Variants in CEMIP observed in about 807,000 individuals in gnomAD.
CEMIP encodes the protein cell migration inducing hyaluronidase 1.
A neutral mutation model predicts 156.9 loss-of-function variants in CEMIP; 105 were observed. The ratio of observed to expected loss-of-function variants is 0.67; its 90% confidence interval spans 0.57 to 0.79. CEMIP has a LOEUF of 0.79. Among genes scored for constraint, CEMIP ranks in the 30% least tolerant of loss-of-function variants. The pLI is 0.00. For synonymous variants in CEMIP, 676 were observed against 668.4 expected, an observed-to-expected ratio of 1.01 and a Z score of -0.17; for missense variants, 1,457 against 1,769.4, an observed-to-expected ratio of 0.82 and a Z score of 3.17.
At chr15:80,948,028 G>A (rs1412620509) in intron 29 of CEMIP, 4 of 152,722 alleles carry the variant, frequency 2.6e-5, no homozygotes, top group East Asian at 1.9e-4. Flanking sequence ...GCCAAAGGAG[G>A]ACATAAGGAA....
chr15:80,827,283 G>A (rs1433804332), intron 1 of CEMIP, among the ~76,000 whole-genome samples: 2 of 152,172 alleles, frequency 1.3e-5, no homozygotes, highest in African/African-American at 4.8e-5. Context: ...CCATGGGAGT[G>A]AGTAGTGGGA....
intron 14 of CEMIP, chr15:80,909,693 A>G (rs557413892): frequency 2.2e-6 from 1 of 452,680 alleles, no homozygotes; most frequent in Non-Finnish European, 4.5e-6. Context: ...CAGATTTGAG[A>G]TGGTGACAAC....
intron 25 of CEMIP, among the ~76,000 whole-genome samples, chr15:80,941,617 G>T (rs927166751): frequency 6.6e-6 from 1 of 152,200 alleles, no homozygotes; most frequent in Non-Finnish European, 1.5e-5. Context: ...GCACGGCGTG[G>T]CACATAGAAC....
intron 6 of CEMIP, 96 bp downstream of exon 6, chr15:80,881,232 A>T: frequency 9.5e-7 from 1 of 1,052,562 alleles, no homozygotes; most frequent in Admixed American, 1.7e-5. Context: ...TGCTGGGAGA[A>T]CAGCAGTGAA....
Position 80,838,366 on chromosome 15 carries a change from G to A in CEMIP, c.-175-35172G>A, listed in dbSNP as rs138017547. Among the ~76,000 whole-genome samples the A allele has an allele frequency of 4.9e-4, 75 of 152,030 alleles. No homozygotes were observed. In the South Asian group the frequency reaches 0.011, roughly 22 times the overall value. On this transcript the variant is annotated intron_variant, in intron 1 of 29. Transcript: ENST00000394685. ...CCTCCAGAACTGTGGCGAGGCAGCC[G>A]TTTTCAAATGTTTGTTTGGGTTTTC...
intron 1 of CEMIP, among the ~76,000 whole-genome samples, chr15:80,865,330 C>T (rs997447303): frequency 1.2e-4 from 18 of 152,114 alleles, no homozygotes; most frequent in African/African-American, 2.4e-4. Flanking sequence ...TACGGGCTCG[C>T]GCCACCACGC....
At chr15:80,823,642 C>G (rs567402574) in intron 1 of CEMIP, among the ~76,000 whole-genome samples, 1 of 152,134 alleles carries the variant, frequency 6.6e-6, no homozygotes, top group Non-Finnish European at 1.5e-5. Context: ...CCCCATTTTC[C>G]CAACTCAACC....
intron 8 of CEMIP, among the ~76,000 whole-genome samples, chr15:80,888,411 C>T (rs542947915): frequency 6.1e-4 from 93 of 152,200 alleles, no homozygotes; most frequent in African/African-American, 2.1e-3. Context: ...CTGCGGGAAG[C>T]GCTGCAGTTC....
At chr15:80,889,420 T>C in intron 9 of CEMIP, 51 bp from the exon 10 acceptor site, 1 of 1,612,820 alleles carries the variant, frequency 6.2e-7, no homozygotes, top group Non-Finnish European at 8.5e-7. Flanking sequence ...GAGTGTGACT[T>C]GCCCTCACAG....
chr15:80,935,799 C>A (rs1433844435), intron 23 of CEMIP, among the ~76,000 whole-genome samples: 1 of 152,078 alleles, frequency 6.6e-6, no homozygotes, highest in Non-Finnish European at 1.5e-5. Context: ...TGGGCAATGG[C>A]GTGATCTCGG....
intron 12 of CEMIP, among the ~76,000 whole-genome samples, chr15:80,904,273 C>T (rs1278755823): frequency 1.3e-5 from 2 of 152,186 alleles, no homozygotes. Flanking sequence ...CACCTGTAGT[C>T]CCAGCATTTT....
intron 6 of CEMIP, among the ~76,000 whole-genome samples, chr15:80,883,356 T>C (rs1051556780): frequency 7.2e-5 from 11 of 152,340 alleles, no homozygotes; most frequent in Admixed American, 6.5e-4. Context: ...ATCAGTCAAT[T>C]TGGAGATTAT....
intron 6 of CEMIP, among the ~76,000 whole-genome samples, chr15:80,881,502 T>C (rs934806149): frequency 6.6e-6 from 1 of 151,880 alleles, no homozygotes; most frequent in Admixed American, 6.5e-5. Context: ...AGGGTGAGGA[T>C]ATGTCAGGGA....
chr15:80,929,092 A>G lies in CEMIP; in HGVS notation c.2530A>G (p.Asn844Asp), dbSNP rs906046743. 10 of 1,614,214 alleles carry G rather than the reference A, an allele frequency of 6.2e-6. No individual in the cohort carries two copies. Among genetic ancestry groups the G allele is most frequent in the Non-Finnish European group, 8.5e-6 (10 of 1,180,040 alleles). ...CAGCTTGTTTGTTGGCGAGAGTGGC[A>G]ACGTGGGGACGGAAATGATGGACAA... Reference protein sequence around the residue: ...KNSLFVGESGNVGTEMMDNRI... With the variant: ...KNSLFVGESGDVGTEMMDNRI... The change falls in exon 21 of 30, where the codon AAC (asparagine) becomes GAC (aspartate). Residue 844 changes from asparagine to aspartate, a missense_variant. This residue lies in a region of CEMIP where 798 missense variants were observed against 980.1 expected (regional missense o/e 0.81). Transcript: ENST00000394685.
In CEMIP at chr15:80,878,825, A is replaced by G; in HGVS notation, c.199A>G (p.Thr67Ala). 1.2e-6 allele frequency: 2 copies of G among 1,614,046 alleles called. No homozygotes were observed. Among genetic ancestry groups the G allele is most frequent in the South Asian group, 1.1e-5 (1 of 91,076 alleles). ...CGGCCAGGGCAAGACACTGCTGCTC[A>G]CCTCTTCTGCCACGGTCTATTCCAT... ...HIGQGKTLLL[T>A]SSATVYSIHI... is the part of the protein sequence containing the mutation. Residue 67 changes from threonine (T) to alanine (A), a missense_variant, in exon 4 of 30, where the codon ACC becomes GCC. Thr to Ala is a moderately conservative substitution (Grantham distance 58, BLOSUM62 0). This residue lies in a region of CEMIP where 309 missense variants were observed against 340.8 expected (regional missense o/e 0.91). Coordinates refer to ENST00000394685, the MANE Select transcript of CEMIP (RefSeq NM_001293298.2).
chr15:80,925,550 A>G, intron 18 of CEMIP, 74 bp from the exon 19 acceptor site: 1 of 1,590,378 alleles, frequency 6.3e-7, no homozygotes, highest in Non-Finnish European at 8.5e-7. Flanking sequence ...AGAGGCTCAC[A>G]GAGCCCAGAA....
intron 1 of CEMIP, among the ~76,000 whole-genome samples, chr15:80,867,254 A>C (rs1898154559): frequency 1.3e-5 from 2 of 152,188 alleles, no homozygotes; most frequent in African/African-American, 2.4e-5. Flanking sequence ...CCCTACACTG[A>C]TAGGCATAAG....
chr15:80,835,609 C>T (rs1335960220), intron 1 of CEMIP, among the ~76,000 whole-genome samples: 1 of 152,230 alleles, frequency 6.6e-6, no homozygotes, highest in Admixed American at 6.5e-5. Context: ...TCTGCATCCA[C>T]GGGGTGCCCA....
intron 10 of CEMIP, among the ~76,000 whole-genome samples, 178 bp downstream of exon 10, chr15:80,889,770 C>T (rs1300899853): frequency 1.3e-5 from 2 of 152,172 alleles, no homozygotes; most frequent in Non-Finnish European, 2.9e-5. Context: ...ACTATCTGCC[C>T]AAAAGCCAGG....
Sources: allele counts gnomAD v4.1 joint callset (sites outside exome capture counted in the v4.1 genomes callset), GRCh38; gene constraint gnomAD v4.1.1; regional missense constraint gnomAD v4.1.1; transcripts MANE v1.5; gene names NCBI Gene and HGNC (gene_info 2026-07-23, HGNC 2026-07-21).